The following TRRAP variants were observed in gnomAD, a reference collection of about 807,000 sequenced individuals.
TRRAP encodes the protein transformation/transcription domain associated protein.
A neutral mutation model predicts 438.8 loss-of-function variants in TRRAP; 41 were observed. The observed-to-expected ratio is 0.09, with a 90% CI of 0.07 to 0.12. TRRAP has a LOEUF of 0.12. Ranked by LOEUF, TRRAP falls within the 10% of genes least tolerant of loss-of-function variation. TRRAP has a pLI of 1.00. For missense variants in TRRAP, 3,122 were observed against 5,055.1 expected (o/e 0.62, Z 11.60); for synonymous variants, 1,994 against 1,962.9 (o/e 1.02, Z -0.42).
intron 53 of TRRAP, among the ~76,000 whole-genome samples, chr7:98,973,237 C>T (rs997923763): frequency 6.6e-6 from 1 of 152,166 alleles, no homozygotes; most frequent in Non-Finnish European, 1.5e-5. Flanking sequence ...GCCTCGGCCT[C>T]CCAAAGTGCT....
chr7:98,942,002 T>C (rs1407333586), intron 30 of TRRAP, among the ~76,000 whole-genome samples: 1 of 152,232 alleles, frequency 6.6e-6, no homozygotes, highest in Non-Finnish European at 1.5e-5. Context: ...ACTTCGGTGT[T>C]GTGAAGGGCA....
At chr7:98,954,247 G>T (rs566968026) in intron 40 of TRRAP, among the ~76,000 whole-genome samples, 5 of 152,210 alleles carry the variant, frequency 3.3e-5, no homozygotes, top group African/African-American at 1.2e-4. Context: ...TGGGCACCCC[G>T]GGTTTGAGTG....
At position 98,976,436 on chromosome 7, in the gene TRRAP, T is replaced by C. The variant is rs1792660436; in HGVS notation, c.7960-47T>C. On this transcript the variant is annotated intron_variant, in intron 54 of 72. Coordinates refer to ENST00000456197, the MANE Select transcript of TRRAP (RefSeq NM_001375524.1). The surrounding 1 kb of genome is among the most constrained non-coding windows in gnomAD (Gnocchi z 4.6). The stretch of plus-strand genomic sequence containing the variant: ...TTGCATCGAGAGAGACAGCAAGACT[T>C]GCCGATTTTTGAATGAAGGCCTAAA... The C allele has an allele frequency of 1.3e-6, 2 of 1,585,964 alleles. No homozygotes were observed. The highest frequency in any genetic ancestry group is 1.7e-6 in the Non-Finnish European group (2 of 1,167,650).
chr7:98,925,584 G>C (rs1554411423), intron 22 of TRRAP, among the ~76,000 whole-genome samples: 1 of 152,188 alleles, frequency 6.6e-6, no homozygotes, highest in African/African-American at 2.4e-5. Context: ...CACAGCAGCT[G>C]GCGCCTGAAA....
rs201956983 is a variant in TRRAP at position 98,930,578 on chromosome 7, C to CAA, written c.3394-48_3394-47dup. 5 of 1,597,878 alleles carry CAA rather than the reference C, an allele frequency of 3.1e-6. No homozygotes were observed. In the African/African-American group the frequency reaches 4.0e-5, roughly 13 times the overall value. Reference sequence around the variant, plus strand: ...GGGCAATAAGAGCGAAACTCTGTCTCAAAAAAAACAAGAATTGCAGTAACG... The same window carrying CAA: ...GGGCAATAAGAGCGAAACTCTGTCTCAAAAAAAAAACAAGAATTGCAGTAACG... On this transcript the variant is annotated intron_variant, in intron 24 of 72. Transcript: ENST00000456197.
intron 23 of TRRAP, among the ~76,000 whole-genome samples, chr7:98,927,717 T>G (rs1189276521): frequency 2.6e-5 from 4 of 152,132 alleles, no homozygotes; most frequent in African/African-American, 9.7e-5. Flanking sequence ...AAGGCCAGTC[T>G]TGCCCTCCAG....
chr7:98,893,241 C>T (rs532136441), intron 5 of TRRAP, among the ~76,000 whole-genome samples: 104 of 152,198 alleles, frequency 6.8e-4, no homozygotes, highest in Non-Finnish European at 1.3e-3. Flanking sequence ...TGAGCCACCT[C>T]GCCCAGCCCT....
At chr7:98,958,148 A>C in intron 44 of TRRAP, 57 bp downstream of exon 44, 1 of 1,464,072 alleles carries the variant, frequency 6.8e-7, no homozygotes, top group South Asian at 1.2e-5. Flanking sequence ...CTACTGACTA[A>C]CACCCCAGGA....
chr7:98,980,771 T>C (rs1278836796), intron 58 of TRRAP, among the ~76,000 whole-genome samples: 1 of 152,282 alleles, frequency 6.6e-6, no homozygotes, highest in Non-Finnish European at 1.5e-5. Flanking sequence ...TACACCCATG[T>C]GGCCGGGCGT....
intron 13 of TRRAP, among the ~76,000 whole-genome samples, chr7:98,906,801 A>G (rs1796759058): frequency 6.6e-6 from 1 of 152,166 alleles, no homozygotes; most frequent in African/African-American, 2.4e-5. Context: ...AAGAAATCAG[A>G]GTAATCATCT....
At chr7:98,946,953 A>ATGGAG (rs1791109745) in intron 33 of TRRAP, among the ~76,000 whole-genome samples, 1 of 152,248 alleles carries the variant, frequency 6.6e-6, no homozygotes, top group Admixed American at 6.5e-5. Context: ...TGTAGGGGGC[A>ATGGAG]TGGAGCTGGC....
chr7:98,992,305 C>A, intron 65 of TRRAP, 78 bp downstream of exon 65: 1 of 1,457,564 alleles, frequency 6.9e-7, no homozygotes, highest in South Asian at 1.1e-5. Flanking sequence ...GACAGACCAC[C>A]GCAGCCACCC....
chr7:98,961,667 C>A (rs534969810), intron 46 of TRRAP, among the ~76,000 whole-genome samples, 193 bp downstream of exon 46: 2 of 152,346 alleles, frequency 1.3e-5, no homozygotes, highest in Admixed American at 6.5e-5. Flanking sequence ...CGCCTGTAAT[C>A]CCAGCACTTT....
rs186011387 is a variant in TRRAP, at chr7:98,926,973, C to G, written c.2976-194C>G. 2.0e-5 allele frequency among the ~76,000 whole-genome samples: 3 copies of G among 152,268 alleles called. No homozygotes were observed. In the East Asian group the frequency reaches 5.8e-4, roughly 29 times the overall value. ...GGTAGAGGTTGCAGTGAGCCAGGAT[C>G]GCGCCATTGCACCCCAGCCTGGGTG... On this transcript the variant is annotated intron_variant, in intron 22 of 72. Coordinates refer to ENST00000456197, the MANE Select transcript of TRRAP (RefSeq NM_001375524.1).
intron 56 of TRRAP, among the ~76,000 whole-genome samples, chr7:98,977,807 T>C (rs1584385373): frequency 6.6e-6 from 1 of 152,186 alleles, no homozygotes; most frequent in East Asian, 1.9e-4. Flanking sequence ...TACTAAAGGA[T>C]GGAGAAAGTA....
intron 7 of TRRAP, among the ~76,000 whole-genome samples, chr7:98,896,890 C>G (rs1292467944): frequency 6.6e-6 from 1 of 152,052 alleles, no homozygotes; most frequent in East Asian, 1.9e-4. Context: ...ACGTGAAACC[C>G]CAAATCCACT....
chr7:98,882,204 G>A (rs1489742843), intron 3 of TRRAP, among the ~76,000 whole-genome samples, 180 bp downstream of exon 3: 5 of 152,148 alleles, frequency 3.3e-5, no homozygotes, highest in African/African-American at 1.2e-4. Flanking sequence ...TCTTCACGCT[G>A]GTGATAGCGA....
intron 5 of TRRAP, among the ~76,000 whole-genome samples, chr7:98,892,942 G>A (rs564774606): frequency 3.9e-4 from 60 of 151,918 alleles, no homozygotes; most frequent in Non-Finnish European, 6.0e-4. Context: ...TTGTTTTCTT[G>A]CTTCTCTTAG....
At chr7:98,998,216 C>G (rs1254451892) in intron 67 of TRRAP, among the ~76,000 whole-genome samples, 2 of 152,156 alleles carry the variant, frequency 1.3e-5, no homozygotes, top group Non-Finnish European at 2.9e-5. Flanking sequence ...CTCTTGACCC[C>G]TCTTCTCCTT....
Sources: allele counts gnomAD v4.1 joint callset (sites outside exome capture counted in the v4.1 genomes callset), GRCh38; gene constraint gnomAD v4.1.1; non-coding constraint Gnocchi (gnomAD v3.1); transcripts MANE v1.5; gene names NCBI Gene and HGNC (gene_info 2026-07-23, HGNC 2026-07-21).